The following TGIF2 variants were observed in gnomAD, a reference collection of about 807,000 sequenced individuals.
TGIF2 encodes TGFB induced factor homeobox 2, also known as homeobox protein TGIF2.
Under a neutral mutation model 15.1 loss-of-function variants are expected in TGIF2, and 5 were observed. That is an observed-to-expected ratio of 0.33 (90% CI 0.17 to 0.70). TGIF2 has a LOEUF of 0.70. Ranked by LOEUF, TGIF2 falls within the 30% of genes least tolerant of loss-of-function variation. The pLI is 0.67. For missense variants in TGIF2, 264 were observed against 302.5 expected (o/e 0.87, Z 0.94); for synonymous variants, 131 against 128.9 (o/e 1.02, Z -0.11).
intron 2 of TGIF2, among the ~76,000 whole-genome samples, chr20:36,590,641 T>C (rs2038751340): frequency 6.6e-6 from 1 of 152,182 alleles, no homozygotes; most frequent in Non-Finnish European, 1.5e-5. Flanking sequence ...CATAGCTCAT[T>C]GCAGGCTCCA....
chr20:36,591,169 T>A lies in TGIF2; in HGVS notation c.452T>A (p.Leu151Gln). ...GCAGCCCCTTTCCCACGTGGGGAGC[T>A]GGAGTCTCCCAAGCCCCTGGTGACC... ...KPAAPFPRGE[L>Q]ESPKPLVTPG... The change falls in exon 3 of 3, where the codon CTG becomes CAG. Residue 151 changes from leucine to glutamine, a missense_variant. Physicochemically the swap from Leu to Gln is moderately radical, Grantham distance 113. Transcript: ENST00000373872. This position sits in a 1 kb window ranked among gnomAD's most constrained non-coding sequence, Gnocchi z 5.3. 6.2e-7 allele frequency: 1 copy of A among 1,614,168 alleles called. No individual in the cohort carries two copies. The highest frequency in any genetic ancestry group is 8.5e-7 in the Non-Finnish European group (1 of 1,179,996).
chr20:36,589,626 C>T (rs73620206), intron 2 of TGIF2, among the ~76,000 whole-genome samples: 2 of 151,916 alleles, frequency 1.3e-5, no homozygotes, highest in Admixed American at 6.6e-5. Context: ...CTCCTGACCT[C>T]GTGATCTGCC....
chr20:36,583,701 A>T (rs1362860473), intron 2 of TGIF2, among the ~76,000 whole-genome samples: 14 of 152,178 alleles, frequency 9.2e-5, no homozygotes, highest in Admixed American at 8.5e-4. Flanking sequence ...GTTTGAGGCC[A>T]GCCTGGCCAA....
intron 1 of TGIF2, among the ~76,000 whole-genome samples, chr20:36,576,078 C>T (rs566480628): frequency 5.8e-4 from 86 of 149,336 alleles, no homozygotes; most frequent in African/African-American, 2.0e-3. Flanking sequence ...GGCTACAGAG[C>T]GAGACTCCAT....
chr20:36,582,230 C>G (rs771858552), intron 2 of TGIF2, among the ~76,000 whole-genome samples: 6 of 152,100 alleles, frequency 3.9e-5, no homozygotes, highest in South Asian at 2.1e-4. Flanking sequence ...GAGCGAAACT[C>G]GGTCTCAAAA....
intron 1 of TGIF2, among the ~76,000 whole-genome samples, chr20:36,575,665 G>C (rs942710725): frequency 1.3e-5 from 2 of 152,126 alleles, no homozygotes; most frequent in African/African-American, 2.4e-5. Flanking sequence ...ATCTGGGCTC[G>C]GGTCCAAGAA....
intron 2 of TGIF2, 89 bp downstream of exon 2, chr20:36,579,055 G>A (rs1189264141): frequency 3.3e-6 from 5 of 1,496,076 alleles, no homozygotes; most frequent in African/African-American, 1.4e-5. Flanking sequence ...GTGGTCTTGG[G>A]CCACTCACTT....
At chr20:36,577,758 C>T (rs577824037) in intron 1 of TGIF2, among the ~76,000 whole-genome samples, 7 of 152,070 alleles carry the variant, frequency 4.6e-5, no homozygotes, top group Non-Finnish European at 8.8e-5. Context: ...TCGTGATCTG[C>T]CTGCCTCGGC....
intron 2 of TGIF2, 112 bp from the exon 3 acceptor site, chr20:36,590,798 A>G (rs572194529): frequency 2.2e-4 from 269 of 1,220,398 alleles, no homozygotes; most frequent in Non-Finnish European, 2.5e-4. Context: ...GGCTTAAGCA[A>G]TCCTCCCGCC....
chr20:36,588,494 G>A (rs2038706212), intron 2 of TGIF2, among the ~76,000 whole-genome samples: 1 of 150,570 alleles, frequency 6.6e-6, no homozygotes, highest in South Asian at 2.1e-4. Flanking sequence ...CTGAGTAGCT[G>A]AGACTACAGG....
In TGIF2 at chr20:36,578,762, GCC is replaced by G. The variant is rs754428630; in HGVS notation, c.-10_-9del. ...CCAGGTTTACCCAAGGTCCAGCCTA[GCC>G]CCTAGGCACCATGTCGGACAGTGAT... is the stretch of plus-strand genomic sequence containing the variant. On this transcript the variant is annotated 5_prime_UTR_variant, in exon 2 of 3. Coordinates refer to ENST00000373872, the MANE Select transcript of TGIF2 (RefSeq NM_021809.7). 6.0e-5 allele frequency: 96 copies of G among 1,605,452 alleles called. No homozygotes were observed. The Admixed American group carries it at 9.9e-4, about 17-fold the overall frequency.
intron 2 of TGIF2, among the ~76,000 whole-genome samples, 181 bp downstream of exon 2, chr20:36,579,147 G>A (rs1460131780): frequency 6.6e-6 from 1 of 152,130 alleles, no homozygotes; most frequent in African/African-American, 2.4e-5. Context: ...ATGAAATAGG[G>A]TCGCTGCAGT....
Position 36,578,888 on chromosome 20 carries a change from C to T in TGIF2, c.114C>T (p.Tyr38=). The T allele has an allele frequency of 6.2e-7, 1 of 1,614,188 alleles. No individual in the cohort carries two copies. Among genetic ancestry groups the T allele is most frequent in the South Asian group, 1.1e-5 (1 of 91,088 alleles). The change falls in exon 2 of 3, where the codon TAC becomes TAT. Residue 38 remains tyrosine (Y), a synonymous_variant. Coordinates refer to ENST00000373872, the MANE Select transcript of TGIF2 (RefSeq NM_021809.7). Reference sequence around the variant, plus strand: ...TGAAGATCCTCCGGGACTGGCTGTACTTGCACCGCTACAACGCCTACCCCT... The same window carrying T: ...TGAAGATCCTCCGGGACTGGCTGTATTTGCACCGCTACAACGCCTACCCCT... ...ESVKILRDWL[Y]LHRYNAYPSE...
At chr20:36,574,265 G>T (rs992181911) in intron 1 of TGIF2, among the ~76,000 whole-genome samples, 2 of 151,968 alleles carry the variant, frequency 1.3e-5, no homozygotes, top group African/African-American at 4.8e-5. Context: ...TGTCTCCGAG[G>T]CATCTGTCAC....
intron 1 of TGIF2, among the ~76,000 whole-genome samples, chr20:36,578,378 A>ACT (rs1417283893): frequency 6.6e-6 from 1 of 151,358 alleles, no homozygotes; most frequent in Non-Finnish European, 1.5e-5. Context: ...GCGCCACTGC[A>ACT]CTCTAGCATG....
Position 36,582,243 on chromosome 20 carries a change from T to TA in TGIF2, c.192+3284dup, listed in dbSNP as rs536511345. 2.7e-3 allele frequency among the ~76,000 whole-genome samples: 405 copies of TA among 151,618 alleles called. 1 individual carries two copies. Among genetic ancestry groups the TA allele is most frequent in the African/African-American group, 8.7e-3 (361 of 41,332 alleles). ...AAGAGCGAAACTCGGTCTCAAAAAATAAAAAAATAAAGAAAACATTTTTCA... is the reference window on the plus strand; with the variant it reads ...AAGAGCGAAACTCGGTCTCAAAAAATAAAAAAAATAAAGAAAACATTTTTCA... On this transcript the variant is annotated intron_variant, in intron 2 of 2. Coordinates refer to ENST00000373872, the MANE Select transcript of TGIF2 (RefSeq NM_021809.7).
chr20:36,578,979 T>A lies in TGIF2; in HGVS notation c.192+13T>A, dbSNP rs1790789923. 5 of 1,612,534 alleles carry A rather than the reference T, an allele frequency of 3.1e-6. No individual in the cohort carries two copies. The South Asian group carries it at 5.5e-5, about 18-fold the overall frequency. On this transcript the variant is annotated intron_variant, in intron 2 of 2. Transcript: ENST00000373872. Reference sequence around the variant, plus strand: ...GTCAGTGCTGCAAGTAAGGAGGGGATCTGGATAAGGGGGTGGCAGGAGGAC... The same window carrying A: ...GTCAGTGCTGCAAGTAAGGAGGGGAACTGGATAAGGGGGTGGCAGGAGGAC...
At chr20:36,579,627 A>T (rs1036955669) in intron 2 of TGIF2, among the ~76,000 whole-genome samples, 1 of 152,178 alleles carries the variant, frequency 6.6e-6, no homozygotes, top group Admixed American at 6.6e-5. Flanking sequence ...CTTGGTTGAA[A>T]GGGGCAGCTG....
intron 2 of TGIF2, among the ~76,000 whole-genome samples, chr20:36,588,355 C>CTTTTTTTT (rs397802665): frequency 1.7e-5 from 1 of 60,384 alleles, no homozygotes; most frequent in Non-Finnish European, 2.9e-5. Flanking sequence ...GCCCTTCCTT[C>CTTTTTTTT]TTTTTTTTTT....
Sources: gnomAD v4.1 joint callset for allele counts (sites outside exome capture counted in the v4.1 genomes callset) on GRCh38, gnomAD v4.1.1 for gene constraint, Gnocchi (gnomAD v3.1) non-coding constraint, MANE v1.5 for transcripts, NCBI Gene and HGNC (gene_info 2026-07-23, HGNC 2026-07-21) for gene names.